The following ANXA2 variants were observed in gnomAD, a reference collection of about 807,000 sequenced individuals.
The protein encoded by ANXA2 is annexin A2.
In ANXA2, 28 loss-of-function variants were observed where a neutral mutation model predicts 47.3. That is an observed-to-expected ratio of 0.59 (90% CI 0.44 to 0.81). ANXA2 has a LOEUF of 0.81. Among genes scored for constraint, ANXA2 ranks in the 40% least tolerant of loss-of-function variants. The probability of loss-of-function intolerance (pLI) is 0.00; values close to 1 mark genes in which losing one functional copy is unlikely to be tolerated. For missense variants in ANXA2, 384 were observed against 414.3 expected, an observed-to-expected ratio of 0.93 and a Z score of 0.64; for synonymous variants, 172 against 155.5, an observed-to-expected ratio of 1.11 and a Z score of -0.79.
intron 3 of ANXA2, among the ~76,000 whole-genome samples, chr15:60,374,263 A>T (rs1328676621): frequency 6.6e-6 from 1 of 152,210 alleles, no homozygotes; most frequent in African/African-American, 2.4e-5. Flanking sequence ...TTTCTGAAAC[A>T]AGCTACAAGA....
chr15:60,355,556 A>G (rs1209334619), intron 7 of ANXA2: 3 of 356,514 alleles, frequency 8.4e-6, no homozygotes, highest in Admixed American at 4.1e-5. Context: ...AAGTAAACGC[A>G]GTGAAAAAGA....
intron 11 of ANXA2, among the ~76,000 whole-genome samples, chr15:60,350,260 T>C (rs1039151551): frequency 6.6e-6 from 1 of 152,046 alleles, no homozygotes; most frequent in Admixed American, 6.5e-5. Context: ...CACCAGGCTG[T>C]AGTCAGCACA....
At chr15:60,387,628 G>A (rs2062950690) in intron 1 of ANXA2, among the ~76,000 whole-genome samples, 1 of 152,194 alleles carries the variant, frequency 6.6e-6, no homozygotes, top group Non-Finnish European at 1.5e-5. Context: ...AGGGATTCAG[G>A]GGAGGGGATT....
At chr15:60,394,810 C>G (rs2140946218) in intron 1 of ANXA2, 1 of 152,090 alleles carries the variant, frequency 6.6e-6, no homozygotes, top group South Asian at 2.1e-4. Context: ...ATCTCCTGAC[C>G]CCTACTGCTG....
intron 3 of ANXA2, among the ~76,000 whole-genome samples, chr15:60,381,715 CAA>C (rs890948841): frequency 1.3e-5 from 2 of 151,628 alleles, no homozygotes; most frequent in African/African-American, 4.8e-5. Flanking sequence ...TTAAAAAAAA[CAA>C]AAAAAGTCTG....
intron 11 of ANXA2, among the ~76,000 whole-genome samples, chr15:60,349,778 G>A (rs1465059647): frequency 7.0e-6 from 1 of 143,568 alleles, no homozygotes; most frequent in Non-Finnish European, 1.5e-5. Context: ...GGGAAGGAAG[G>A]AAGGAGAGAG....
At chr15:60,354,250 T>C (rs762096652) in intron 7 of ANXA2, 37 bp from the exon 8 acceptor site, 1 of 1,518,606 alleles carries the variant, frequency 6.6e-7, no homozygotes. Context: ...AATACATTTC[T>C]TTGTGTATTT....
At chr15:60,393,174 C>T in intron 1 of ANXA2, 1 of 1,231,092 alleles carries the variant, frequency 8.1e-7, no homozygotes, top group Non-Finnish European at 1.0e-6. Context: ...GGACACACAG[C>T]ACTTGCTCCA....
At chr15:60,358,047 A>G (rs1305368286) in intron 5 of ANXA2, among the ~76,000 whole-genome samples, 1 of 152,242 alleles carries the variant, frequency 6.6e-6, no homozygotes, top group Non-Finnish European at 1.5e-5. Flanking sequence ...TCTTTTTACC[A>G]GGCAAAGGTA....
chr15:60,392,722 G>A (rs2063029941), intron 1 of ANXA2, among the ~76,000 whole-genome samples: 1 of 152,226 alleles, frequency 6.6e-6, no homozygotes, highest in South Asian at 2.1e-4. Context: ...AAGTTTTGTG[G>A]ACACACCCAC....
At chr15:60,390,812 T>A (rs2062999310) in intron 1 of ANXA2, 1 of 156,542 alleles carries the variant, frequency 6.4e-6, no homozygotes, top group African/African-American at 2.4e-5. Context: ...CAATGCAAAG[T>A]CATTTTGCAT....
chr15:60,355,853 A>G (rs979232564), intron 7 of ANXA2, 66 bp downstream of exon 7: 9 of 1,304,024 alleles, frequency 6.9e-6, no homozygotes, highest in African/African-American at 2.9e-5. Context: ...CACTCCAAGT[A>G]TAAAATGAGG....
At chr15:60,390,529 C>A in intron 1 of ANXA2, 1 of 473,584 alleles carries the variant, frequency 2.1e-6, no homozygotes. Context: ...AGGCAATTTT[C>A]TGGAAAACGG....
chr15:60,377,088 A>G (rs2062790102), intron 3 of ANXA2, among the ~76,000 whole-genome samples: 1 of 152,236 alleles, frequency 6.6e-6, no homozygotes, highest in African/African-American at 2.4e-5. Flanking sequence ...AGGAAACACC[A>G]ACTACTTAGT....
chr15:60,395,280 G>A (rs375048246), intron 1 of ANXA2, among the ~76,000 whole-genome samples: 2 of 152,108 alleles, frequency 1.3e-5, no homozygotes, highest in Non-Finnish European at 2.9e-5. Flanking sequence ...TATTTTTGGC[G>A]GGGGTCTGTT....
At chr15:60,366,369 C>T (rs1267425954) in intron 3 of ANXA2, among the ~76,000 whole-genome samples, 16 of 150,128 alleles carry the variant, frequency 1.1e-4, no homozygotes, top group Non-Finnish European at 2.2e-4. Context: ...AGGAGCGCCT[C>T]TTCCCCGCCG....
Position 60,363,948 on chromosome 15 carries a change from A to G in ANXA2, c.243+481T>C, listed in dbSNP as rs557870283. Reference sequence around the variant, plus strand: ...TGAGCACAGTGCCTGGCCCAAAGTAAGCACTCAATAAATGGTGCCTGTTGT... The same window carrying G: ...TGAGCACAGTGCCTGGCCCAAAGTAGGCACTCAATAAATGGTGCCTGTTGT... On this transcript the variant is annotated intron_variant, in intron 4 of 12. Coordinates refer to ENST00000451270, the MANE Select transcript of ANXA2 (RefSeq NM_004039.3). Among the ~76,000 whole-genome samples the G allele has an allele frequency of 3.9e-4, 60 of 152,326 alleles. 1 individual carries two copies. Among genetic ancestry groups the G allele is most frequent in the African/African-American group, 1.4e-3 (60 of 41,574 alleles).
chr15:60,365,863 CCTCCCT>C (rs1245929648), intron 3 of ANXA2, among the ~76,000 whole-genome samples: 6 of 132,724 alleles, frequency 4.5e-5, no homozygotes, highest in South Asian at 2.7e-4. Context: ...TCCCCCTCCC[CCTCCCT>C]CTCCCTCCAC....
intron 1 of ANXA2, chr15:60,393,422 T>C (rs1378396984): frequency 9.9e-7 from 1 of 1,007,442 alleles, no homozygotes; most frequent in Non-Finnish European, 1.2e-6. Context: ...ATATTGTATT[T>C]TCAACAGGGC....
Sources: gnomAD v4.1 joint callset for allele counts (sites outside exome capture counted in the v4.1 genomes callset) on GRCh38, gnomAD v4.1.1 for gene constraint, MANE v1.5 for transcripts, NCBI Gene and HGNC (gene_info 2026-07-23, HGNC 2026-07-21) for gene names.